HS3ST4: variants seen among roughly 807,000 people sequenced by gnomAD.
HS3ST4 encodes the protein heparan sulfate-glucosamine 3-sulfotransferase 4, also known as heparan sulfate glucosamine 3-O-sulfotransferase 4.
A neutral mutation model predicts 29.2 loss-of-function variants in HS3ST4; 17 were observed. The observed-to-expected ratio is 0.58, with a 90% CI of 0.40 to 0.87. The LOEUF is 0.87. HS3ST4 is among the 40% of genes least tolerant of loss of function. The pLI is 0.00. For missense variants in HS3ST4, 627 were observed against 634.5 expected (o/e 0.99, Z 0.13); for synonymous variants, 314 against 285.7 (o/e 1.10, Z -1.00).
At chr16:26,135,226 C>T (rs898745482) in intron 1 of HS3ST4, among the ~76,000 whole-genome samples, 1 of 152,050 alleles carries the variant, frequency 6.6e-6, no homozygotes, top group African/African-American at 2.4e-5. Context: ...TTGCTCAATG[C>T]TTTTTGAGCA....
intron 1 of HS3ST4, among the ~76,000 whole-genome samples, chr16:25,790,120 A>C (rs1446437474): frequency 6.6e-6 from 1 of 152,136 alleles, no homozygotes; most frequent in Non-Finnish European, 1.5e-5. Flanking sequence ...CTTACCTTCA[A>C]ATTTTGGCTG....
At chr16:26,129,999 A>T (rs1429709834) in intron 1 of HS3ST4, among the ~76,000 whole-genome samples, 1 of 152,200 alleles carries the variant, frequency 6.6e-6, no homozygotes, top group African/African-American at 2.4e-5. Flanking sequence ...GCACCACTGC[A>T]TTCCAGTCTG....
intron 1 of HS3ST4, among the ~76,000 whole-genome samples, chr16:26,066,811 A>G (rs1898548411): frequency 6.6e-6 from 1 of 152,194 alleles, no homozygotes. Flanking sequence ...CATTCTTTCT[A>G]TGACCAAAGG....
chr16:25,963,031 G>T (rs2141702658), intron 1 of HS3ST4, among the ~76,000 whole-genome samples: 1 of 152,220 alleles, frequency 6.6e-6, no homozygotes, highest in African/African-American at 2.4e-5. Flanking sequence ...GAATGCCAGG[G>T]TTAAATTCTG....
At chr16:25,999,897 T>TTTTATA (rs1555477424) in intron 1 of HS3ST4, among the ~76,000 whole-genome samples, 27 of 131,858 alleles carry the variant, frequency 2.0e-4, no homozygotes, top group African/African-American at 7.7e-4. Context: ...TATATATATT[T>TTTTATA]TATATATATA....
intron 1 of HS3ST4, among the ~76,000 whole-genome samples, chr16:25,852,273 C>T (rs1967529524): frequency 6.6e-6 from 1 of 152,030 alleles, no homozygotes; most frequent in South Asian, 2.1e-4. Flanking sequence ...TTCTGAAAGT[C>T]TGGTTTTTAT....
chr16:25,776,390 C>T lies in HS3ST4; in HGVS notation c.734+83239C>T, dbSNP rs143014250. Among the ~76,000 whole-genome samples, 591 of 152,290 alleles carry T rather than the reference C, an allele frequency of 3.9e-3. 1 individual carries two copies. The highest frequency in any genetic ancestry group is 0.013 in the African/African-American group (561 of 41,566). On this transcript the variant is annotated intron_variant, in intron 1 of 1. Transcript: ENST00000331351. Reference sequence around the variant, plus strand: ...CTCCTTTGGAGAGGCTCATCAGAAACTCAAAAGAATGCAACCATTTGTCTC... The same window carrying T: ...CTCCTTTGGAGAGGCTCATCAGAAATTCAAAAGAATGCAACCATTTGTCTC...
At chr16:25,753,366 A>G (rs1338660624) in intron 1 of HS3ST4, among the ~76,000 whole-genome samples, 1 of 152,154 alleles carries the variant, frequency 6.6e-6, no homozygotes, top group East Asian at 1.9e-4. Context: ...AGATGTGTTG[A>G]TATCTTTCTT....
rs192875890 is a variant in HS3ST4 at position 26,086,551 on chromosome 16, G to A, written c.735-49061G>A. 2.5e-4 allele frequency among the ~76,000 whole-genome samples: 38 copies of A among 151,852 alleles called. No individual in the cohort carries two copies. In the East Asian group the frequency reaches 5.4e-3, roughly 22 times the overall value. The stretch of plus-strand genomic sequence containing the variant: ...TTTTTAGTAGAGGCGGGGTTTCGCC[G>A]TATTAGCCAGGATGGTCTTGATCTC... On this transcript the variant is annotated intron_variant, in intron 1 of 1. Coordinates refer to ENST00000331351, the MANE Select transcript of HS3ST4 (RefSeq NM_006040.3).
At chr16:26,038,778 G>T (rs1188333397) in intron 1 of HS3ST4, among the ~76,000 whole-genome samples, 1 of 152,042 alleles carries the variant, frequency 6.6e-6, no homozygotes, top group African/African-American at 2.4e-5. Context: ...CCGCCTCCCG[G>T]GTTCATGCCA....
chr16:25,829,645 C>T (rs557369857), intron 1 of HS3ST4, among the ~76,000 whole-genome samples: 5 of 152,184 alleles, frequency 3.3e-5, no homozygotes, highest in African/African-American at 1.2e-4. Flanking sequence ...TTGTTCAACT[C>T]CCACTTACAC....
chr16:26,098,271 C>T (rs185806090), intron 1 of HS3ST4, among the ~76,000 whole-genome samples: 54 of 152,196 alleles, frequency 3.5e-4, no homozygotes, highest in Admixed American at 1.3e-3. Flanking sequence ...GCTACTATAA[C>T]GACATATGCA....
intron 1 of HS3ST4, among the ~76,000 whole-genome samples, chr16:26,029,874 C>T (rs978473926): frequency 1.3e-4 from 20 of 152,304 alleles, no homozygotes; most frequent in South Asian, 2.1e-4. Context: ...TCCACTGGTT[C>T]GATTTTTGAG....
chr16:25,780,873 A>AT (rs1341700322), intron 1 of HS3ST4, among the ~76,000 whole-genome samples: 1 of 152,088 alleles, frequency 6.6e-6, no homozygotes, highest in East Asian at 1.9e-4. Flanking sequence ...GTCTCTTTAT[A>AT]TTTACTCAGT....
chr16:25,844,691 C>T (rs1312842734), intron 1 of HS3ST4, among the ~76,000 whole-genome samples: 4 of 152,152 alleles, frequency 2.6e-5, no homozygotes, highest in African/African-American at 9.7e-5. Context: ...ACCCAGCAAT[C>T]CCATTACTGG....
rs576215924 is a variant in HS3ST4 at position 25,893,079 on chromosome 16, C to G, written c.734+199928C>G. ...TGAAGGCGCAGGTGGAGGGAGGCAG[C>G]CCACCGTGTGTGGATGTGGGGAATG... On this transcript the variant is annotated intron_variant, in intron 1 of 1. Transcript: ENST00000331351. Among the ~76,000 whole-genome samples, 21 of 152,122 alleles carry G rather than the reference C, an allele frequency of 1.4e-4. No individual in the cohort carries two copies. The South Asian group carries it at 4.4e-3, about 32-fold the overall frequency.
chr16:26,056,747 G>T (rs964290005), intron 1 of HS3ST4, among the ~76,000 whole-genome samples: 1 of 152,162 alleles, frequency 6.6e-6, no homozygotes, highest in Non-Finnish European at 1.5e-5. Flanking sequence ...ATGACACATA[G>T]ACATTTATTT....
intron 1 of HS3ST4, among the ~76,000 whole-genome samples, chr16:25,763,506 A>G (rs767354997): frequency 3.3e-5 from 5 of 152,210 alleles, no homozygotes; most frequent in African/African-American, 9.6e-5. Context: ...GCATTTACCA[A>G]CGATCACCAG....
rs935309903 is a variant in HS3ST4 at position 25,874,005 on chromosome 16, T to C, written c.734+180854T>C. The stretch of plus-strand genomic sequence containing the variant: ...AACATCAAGGAGGAAAAGTGAATTA[T>C]ACCCTTATCAAACACTCTCATCGCA... On this transcript the variant is annotated intron_variant, in intron 1 of 1. Transcript: ENST00000331351. Among the ~76,000 whole-genome samples, 17 of 141,584 alleles carry C rather than the reference T, an allele frequency of 1.2e-4. No individual in the cohort carries two copies. In the East Asian group the frequency reaches 1.4e-3, roughly 11 times the overall value. 92.9% of individuals were successfully genotyped at this position (141,584 alleles called of 152,430 possible). A position where few individuals can be genotyped will look rare whatever the true frequency, so the allele number is the denominator to read the frequency against.
Sources: gnomAD v4.1 joint callset for allele counts (sites outside exome capture counted in the v4.1 genomes callset) on GRCh38, gnomAD v4.1.1 for gene constraint, MANE v1.5 for transcripts, NCBI Gene and HGNC (gene_info 2026-07-23, HGNC 2026-07-21) for gene names.